The following TARS2 variants were observed in gnomAD, a reference collection of about 807,000 sequenced individuals.
The protein encoded by TARS2 is threonine--tRNA ligase, mitochondrial.
A neutral mutation model predicts 94.4 loss-of-function variants in TARS2; 61 were observed. The ratio of observed to expected loss-of-function variants is 0.65; its 90% CI spans 0.53 to 0.80. The LOEUF (loss-of-function observed/expected upper bound fraction) is 0.80, where lower values mean the gene tolerates loss of function less well. TARS2 is among the 30% of genes least tolerant of loss of function. The pLI is 0.00. For missense variants in TARS2, 704 were observed against 902.5 expected (o/e 0.78, Z 2.82); for synonymous variants, 359 against 353.4 (o/e 1.02, Z -0.18).
intron 7 of TARS2, 89 bp from the exon 8 acceptor site, chr1:150,496,393 A>T: frequency 6.8e-7 from 1 of 1,480,408 alleles, no homozygotes; most frequent in South Asian, 1.4e-5. Context: ...TACCTGTGAC[A>T]CTTAACACTG....
rs868001677 is a variant in TARS2 at position 150,506,478 on chromosome 1, A to G, written c.2009-438A>G. Among the ~76,000 whole-genome samples, 378 of 42,248 alleles carry G rather than the reference A, an allele frequency of 8.9e-3. 4 individuals are homozygous for G. The highest frequency in any genetic ancestry group is 0.026 in the African/African-American group (360 of 13,812). The allele number at this position is 42,248 out of a possible 152,430, so 27.7% of individuals were successfully genotyped here. On this transcript the variant is annotated intron_variant, in intron 17 of 17. Transcript: ENST00000369064. The stretch of plus-strand genomic sequence containing the variant: ...ACTTGCTCTAATACCCCCTTCAGAC[A>G]CGCGCGCGCACACACACACACACAC...
At chr1:150,488,358 G>GT in intron 2 of TARS2, 1 of 259,172 alleles carries the variant, frequency 3.9e-6, no homozygotes, top group Non-Finnish European at 7.4e-6. Flanking sequence ...ATCTGTATTA[G>GT]TTTCTGCATC....
Position 150,496,916 on chromosome 1 carries a change from G to C in TARS2, c.1020+8G>C. 1 of 1,613,692 alleles carries C rather than the reference G, an allele frequency of 6.2e-7. No individual in the cohort carries two copies. The highest frequency in any genetic ancestry group is 8.5e-7 in the Non-Finnish European group (1 of 1,179,808). ...CTAGTGGCGTTTATCAGGGTAAGGG[G>C]ACCCAGGTCTAGAGGAAAGAAGACC... On this transcript the variant is annotated splice_region_variant and intron_variant, in intron 9 of 17. Transcript: ENST00000369064.
Position 150,489,000 on chromosome 1 carries a change from G to C in TARS2, c.300G>C (p.Val100=), listed in dbSNP as rs1669265915. ...TLADTAVAAQ[V]NGEPYDLERP... is the part of the protein sequence containing the mutation. ...CAGATACTGCAGTGGCTGCTCAAGTGAATGGAGAACCTTATGATCTGGAGC... is the reference window on the plus strand; with the variant it reads ...CAGATACTGCAGTGGCTGCTCAAGTCAATGGAGAACCTTATGATCTGGAGC... Residue 100 remains valine, a synonymous_variant, in exon 3 of 18, where the codon GTG becomes GTC. Transcript: ENST00000369064. 1 of 1,614,072 alleles carries C rather than the reference G, an allele frequency of 6.2e-7. No homozygotes were observed. The highest frequency in any genetic ancestry group is 1.1e-5 in the South Asian group (1 of 91,084).
chr1:150,500,526 C>T (rs1419960977), intron 13 of TARS2, among the ~76,000 whole-genome samples: 1 of 152,038 alleles, frequency 6.6e-6, no homozygotes, highest in Non-Finnish European at 1.5e-5. Context: ...TGGGAAGTTG[C>T]AGTGAGCCAA....
intron 13 of TARS2, among the ~76,000 whole-genome samples, chr1:150,501,648 A>T (rs1669928061): frequency 1.3e-5 from 2 of 151,634 alleles, no homozygotes; most frequent in South Asian, 4.2e-4. Context: ...CTCTACAAAA[A>T]ATTTAAAACA....
Position 150,497,820 on chromosome 1 carries a change from G to A in TARS2, c.1238+73G>A, listed in dbSNP as rs11588874. 295,644 of 1,465,964 alleles carry A rather than the reference G, an allele frequency of 0.2. 32,457 individuals carry two copies. The highest frequency in any genetic ancestry group is 0.32 in the African/African-American group (22,853 of 71,100). The allele number at this position is 1,465,964 out of a possible 1,614,324, so 90.8% of individuals were successfully genotyped here. ...TAGAAAGCACCTTGGGGCCGGGCAC[G>A]GTGGCTCACGCCTGTAATCCCAACA... is the stretch of plus-strand genomic sequence containing the variant. On this transcript the variant is annotated intron_variant, in intron 10 of 17. Coordinates refer to ENST00000369064, the MANE Select transcript of TARS2 (RefSeq NM_025150.5).
At position 150,498,637 on chromosome 1, in the gene TARS2, C is replaced by T. The variant is rs762924252; in HGVS notation, c.1374C>T (p.Asp458=). ...GACTGCGGTGCTTCCAGCAGGATGA[C>T]GCTCACATCTTCTGTACAACAGATC... The part of the protein sequence containing the change: ...LTRLRCFQQD[D]AHIFCTTDQL... Residue 458 remains aspartate (D), a synonymous_variant, in exon 11 of 18, where the codon GAC becomes GAT. Coordinates refer to ENST00000369064, the MANE Select transcript of TARS2 (RefSeq NM_025150.5). The T allele has an allele frequency of 8.7e-6, 14 of 1,612,678 alleles. No homozygotes were observed. Among genetic ancestry groups the T allele is most frequent in the African/African-American group, 4.0e-5 (3 of 74,938 alleles).
At chr1:150,490,990 G>C (rs1419927040) in intron 4 of TARS2, among the ~76,000 whole-genome samples, 1 of 151,850 alleles carries the variant, frequency 6.6e-6, no homozygotes, top group Non-Finnish European at 1.5e-5. Flanking sequence ...GGGAGGTTGA[G>C]GCTGTGGTGA....
rs1182556922 is a variant in TARS2, at chr1:150,503,575, G to GTATA, written c.1618-759_1618-758insATAT. Reference sequence around the variant, plus strand: ...TGTGTGTGTGTGTGTGTGTGTGTGTGTGTATATATATGTGTGTGTGTGTGT... The same window carrying GTATA: ...TGTGTGTGTGTGTGTGTGTGTGTGTGTATATGTATATATATGTGTGTGTGTGTGT... On this transcript the variant is annotated intron_variant, in intron 13 of 17. Coordinates refer to ENST00000369064, the MANE Select transcript of TARS2 (RefSeq NM_025150.5). 6.3e-3 allele frequency among the ~76,000 whole-genome samples: 866 copies of GTATA among 137,952 alleles called. 18 individuals are homozygous for GTATA. The highest frequency in any genetic ancestry group is 0.023 in the African/African-American group (792 of 33,796). The allele number at this position is 137,952 out of a possible 152,430, so 90.5% of individuals were successfully genotyped here.
intron 13 of TARS2, among the ~76,000 whole-genome samples, chr1:150,500,830 A>G (rs748223497): frequency 2.0e-4 from 30 of 152,202 alleles, no homozygotes; most frequent in Non-Finnish European, 4.3e-4. Context: ...TCTCAGAAAA[A>G]TAATAATAAA....
rs201039460 is a variant in TARS2, at chr1:150,498,575, C to G, written c.1312C>G (p.Arg438Gly). ...LRLADFGALHRAEASGGLGGL... is the reference protein window; with the variant it reads ...LRLADFGALHGAEASGGLGGL... ...ACTAGCTGACTTTGGGGCTCTACACCGGGCCGAAGCCTCTGGTGGTCTGGG... is the reference window on the plus strand; with the variant it reads ...ACTAGCTGACTTTGGGGCTCTACACGGGGCCGAAGCCTCTGGTGGTCTGGG... Residue 438 changes from arginine to glycine, a missense_variant, in exon 11 of 18, where the codon CGG becomes GGG. Physicochemically the swap from Arg to Gly is moderately radical, Grantham distance 125. Around this residue, in one of 3 missense-constraint regions of TARS2, gnomAD observed 466 missense variants for 609.5 expected, o/e 0.76. Coordinates refer to ENST00000369064, the MANE Select transcript of TARS2 (RefSeq NM_025150.5). 1.4e-4 allele frequency: 232 copies of G among 1,609,470 alleles called. No homozygotes were observed. The highest frequency in any genetic ancestry group is 1.9e-4 in the Non-Finnish European group (228 of 1,178,842).
At chr1:150,491,860 T>C in intron 6 of TARS2, 198 bp downstream of exon 6, 1 of 552,188 alleles carries the variant, frequency 1.8e-6, no homozygotes, top group Non-Finnish European at 3.2e-6. Context: ...GGTAGCACGA[T>C]CTCGGCTCAC....
Position 150,489,276 on chromosome 1 carries a change from A to G in TARS2, c.387+189A>G, listed in dbSNP as rs931456966. On this transcript the variant is annotated intron_variant, in intron 3 of 17. Coordinates refer to ENST00000369064, the MANE Select transcript of TARS2 (RefSeq NM_025150.5). ...AAAGTTTTTAACTTAGCTTCGATCT[A>G]TTAAGCAAACATTTGTGCTAGTGAG... 3 of 769,742 alleles carry G rather than the reference A, an allele frequency of 3.9e-6. No homozygotes were observed. In the African/African-American group the frequency reaches 5.3e-5, roughly 14 times the overall value. 47.7% of individuals were successfully genotyped at this position (769,742 alleles called of 1,614,324 possible).
intron 10 of TARS2, 24 bp downstream of exon 10, chr1:150,497,771 A>G (rs778641276): frequency 4.4e-6 from 7 of 1,605,752 alleles, no homozygotes; most frequent in Non-Finnish European, 3.4e-6. Flanking sequence ...TAGGGTTACA[A>G]TCAGGTTGCT....
At position 150,491,447 on chromosome 1, in the gene TARS2, C is replaced by A. The variant is rs141286062; in HGVS notation, c.566C>A (p.Thr189Lys). ...PVLERICQEL[T>K]AAARPFRRLE... ...TTGGAGCGGATTTGCCAGGAACTTA[C>A]AGCTGCTGCTCGACCCTTCCGGAGG... The change falls in exon 5 of 18, where the codon ACA becomes AAA. Residue 189 changes from threonine (T) to lysine (K), a missense_variant. Around this residue, in one of 3 missense-constraint regions of TARS2, gnomAD observed 208 missense variants for 228.5 expected, o/e 0.91. Coordinates refer to ENST00000369064, the MANE Select transcript of TARS2 (RefSeq NM_025150.5). The A allele has an allele frequency of 3.1e-6, 5 of 1,613,880 alleles. No homozygotes were observed. The African/African-American group carries it at 6.7e-5, about 22-fold the overall frequency.
At chr1:150,495,036 G>C (rs933232138) in intron 7 of TARS2, among the ~76,000 whole-genome samples, 3 of 152,058 alleles carry the variant, frequency 2.0e-5, no homozygotes, top group African/African-American at 7.2e-5. Context: ...AAAATTAGCT[G>C]GGCGAGGTGG....
In TARS2 at chr1:150,504,617, C is replaced by A. The variant is rs3738488; in HGVS notation, c.1719-15C>A. On this transcript the variant is annotated splice_polypyrimidine_tract_variant and intron_variant, in intron 14 of 17. Transcript: ENST00000369064. ...CTTCCACCATTCCATCCACCCCCCC[C>A]TTTTTCCTTTCAAGGCAGGCGGGTG... 2.2e-4 allele frequency: 348 copies of A among 1,611,920 alleles called. 3 individuals are homozygous for A. The East Asian group carries it at 7.4e-3, about 34-fold the overall frequency.
chr1:150,498,453 G>T, intron 10 of TARS2, 49 bp from the exon 11 acceptor site: 1 of 1,510,676 alleles, frequency 6.6e-7, no homozygotes, highest in South Asian at 1.4e-5. Context: ...AGCAGTCTTC[G>T]GGGGCTAGTC....
Sources: gnomAD v4.1 joint callset for allele counts (sites outside exome capture counted in the v4.1 genomes callset) on GRCh38, gnomAD v4.1.1 for gene constraint, gnomAD v4.1.1 regional missense constraint, MANE v1.5 for transcripts, NCBI Gene and HGNC (gene_info 2026-07-23, HGNC 2026-07-21) for gene names.